The following ZNF710 variants were observed in gnomAD, a reference collection of about 807,000 sequenced individuals.
ZNF710 encodes the protein zinc finger protein 710.
ZNF710 carries 13 observed loss-of-function variants against 50.6 expected under a neutral mutation model. The observed-to-expected ratio is 0.26, with a 90% CI of 0.17 to 0.41. The LOEUF (loss-of-function observed/expected upper bound fraction) is 0.41. ZNF710 is among the 10% of genes least tolerant of loss of function. The pLI is 1.00. For missense variants in ZNF710, 721 were observed against 936.6 expected, an observed-to-expected ratio of 0.77 and a Z score of 3.01; for synonymous variants, 383 against 397.0, an observed-to-expected ratio of 0.96 and a Z score of 0.42.
intron 1 of ZNF710, among the ~76,000 whole-genome samples, chr15:90,057,690 A>AATAATAATAATAATAATAAT (rs1899864577): frequency 7.2e-6 from 1 of 139,524 alleles, no homozygotes; most frequent in African/African-American, 2.7e-5. Context: ...GAGCAAGACT[A>AATAATAATAATAATAATAAT]AATAATAATA....
chr15:90,064,648 C>T (rs926524229), intron 1 of ZNF710, among the ~76,000 whole-genome samples: 5 of 152,112 alleles, frequency 3.3e-5, no homozygotes, highest in Non-Finnish European at 5.9e-5. Context: ...CCACCACGCC[C>T]GGCTAATTTT....
chr15:90,020,850 A>C (rs1044490893), intron 1 of ZNF710, among the ~76,000 whole-genome samples: 1 of 152,214 alleles, frequency 6.6e-6, no homozygotes, highest in Non-Finnish European at 1.5e-5. Flanking sequence ...ACAGTGTTAC[A>C]GATCTCATTC....
chr15:90,029,094 A>C (rs1159428036), intron 1 of ZNF710, among the ~76,000 whole-genome samples: 1 of 152,236 alleles, frequency 6.6e-6, no homozygotes, highest in East Asian at 1.9e-4. Flanking sequence ...TGGCAGGGAA[A>C]GGCTGTGCTC....
intron 1 of ZNF710, chr15:90,025,637 T>C (rs537725224): frequency 7.9e-5 from 12 of 152,232 alleles, no homozygotes; most frequent in Non-Finnish European, 1.5e-4. Flanking sequence ...AAACAAAAAC[T>C]TTAAAAAAGC....
intron 1 of ZNF710, among the ~76,000 whole-genome samples, chr15:90,042,436 C>T (rs536153821): frequency 1.3e-5 from 2 of 149,400 alleles, no homozygotes; most frequent in Non-Finnish European, 3.0e-5. Flanking sequence ...TCCCAGCCCA[C>T]ACCACTGAGC....
chr15:90,050,467 A>T (rs1899605073), intron 1 of ZNF710, among the ~76,000 whole-genome samples: 1 of 152,070 alleles, frequency 6.6e-6, no homozygotes, highest in South Asian at 2.1e-4. Context: ...TCTATGGGGG[A>T]AGGGGTCTTC....
intron 1 of ZNF710, among the ~76,000 whole-genome samples, chr15:90,049,028 G>GA (rs1899555769): frequency 6.6e-6 from 1 of 152,154 alleles, no homozygotes; most frequent in Admixed American, 6.5e-5. Context: ...TCCTTCATGG[G>GA]ATTTAGATAT....
intron 1 of ZNF710, among the ~76,000 whole-genome samples, chr15:90,042,709 G>A (rs1030177295): frequency 7.2e-5 from 11 of 152,198 alleles, no homozygotes; most frequent in Admixed American, 1.3e-4. Flanking sequence ...ACCTGTGATC[G>A]CAGAGGGACA....
chr15:90,021,017 C>CG (rs1555456025), intron 1 of ZNF710, among the ~76,000 whole-genome samples: 2 of 106,820 alleles, frequency 1.9e-5, no homozygotes, highest in African/African-American at 6.5e-5. Flanking sequence ...GCACCCCCCC[C>CG]CCCTTAGCAG....
At chr15:90,012,130 G>A (rs558501725) in intron 1 of ZNF710, among the ~76,000 whole-genome samples, 4 of 151,804 alleles carry the variant, frequency 2.6e-5, no homozygotes, top group South Asian at 2.1e-4. Flanking sequence ...GCTTGAACCC[G>A]GGAGGTAGAG....
chr15:90,011,354 C>T (rs1898298967), intron 1 of ZNF710, among the ~76,000 whole-genome samples: 1 of 152,228 alleles, frequency 6.6e-6, no homozygotes, highest in African/African-American at 2.4e-5. Context: ...ACCCATGCTC[C>T]TGCCACGGCC....
chr15:90,046,580 A>G (rs923092496), intron 1 of ZNF710, among the ~76,000 whole-genome samples: 2 of 152,116 alleles, frequency 1.3e-5, no homozygotes, highest in East Asian at 1.9e-4. Context: ...GGTGGGGACA[A>G]TGAGCCCACT....
intron 1 of ZNF710, among the ~76,000 whole-genome samples, chr15:90,047,787 A>T (rs181748627): frequency 0.012 from 1,752 of 151,768 alleles, 32 homozygotes; most frequent in African/African-American, 0.04. Context: ...GCATTTCACC[A>T]TGTTGGCCAG....
rs187708076 is a variant in ZNF710, at chr15:90,044,228, G to A, written c.-28-22882G>A. On this transcript the variant is annotated intron_variant, in intron 1 of 4. Transcript: ENST00000268154. ...TCAGCAGGGATAGGTGACTGAAGGC[G>A]TGAGGTGGGACTGGCAGGATCTAGA... 8.7e-4 allele frequency among the ~76,000 whole-genome samples: 133 copies of A among 152,338 alleles called. 3 individuals carry two copies. Among genetic ancestry groups the A allele is most frequent in the Non-Finnish European group, 1.5e-4 (10 of 68,034 alleles).
intron 1 of ZNF710, among the ~76,000 whole-genome samples, chr15:90,052,351 A>C (rs1006542526): frequency 1.3e-5 from 2 of 151,820 alleles, no homozygotes; most frequent in African/African-American, 4.8e-5. Context: ...GGTTTGCTTC[A>C]TTTTCTGCAG....
chr15:90,001,044 T>C (rs2151451180), upstream of ZNF710, among the ~76,000 whole-genome samples: 1 of 151,640 alleles, frequency 6.6e-6, no homozygotes, highest in East Asian at 1.9e-4. Context: ...GTGACTTGAT[T>C]TTCAAACGAA....
rs550372336 is a variant in ZNF710, at chr15:90,079,411, C to T, written c.1826-249C>T. 3.3e-5 allele frequency among the ~76,000 whole-genome samples: 5 copies of T among 152,340 alleles called. No individual in the cohort carries two copies. In the South Asian group the frequency reaches 1.0e-3, roughly 32 times the overall value. On this transcript the variant is annotated intron_variant, in intron 4 of 4. Transcript: ENST00000268154. ...CTTCAAGGCCAGGCCTGCAGTTCTC[C>T]ACCACAAAGGCCCTCACTGATAGCA...
upstream of ZNF710, among the ~76,000 whole-genome samples, chr15:89,998,558 G>A (rs1897961922): frequency 6.6e-6 from 1 of 152,184 alleles, no homozygotes; most frequent in South Asian, 2.1e-4. Flanking sequence ...TGTTTCTGGT[G>A]TGGTGAGTCA....
In ZNF710 at chr15:90,079,684, C is replaced by G; in HGVS notation, c.1850C>G (p.Thr617Ser). Reference protein sequence around the residue: ...SQDPMMELTGTDPSELDGQQE... With the variant: ...SQDPMMELTGSDPSELDGQQE... ...GACCCCATGATGGAGCTGACAGGCA[C>G]TGACCCTTCAGAGCTCGACGGCCAG... Residue 617 changes from threonine to serine, a missense_variant, in exon 5 of 5, where the codon ACT becomes AGT. Physicochemically the swap from Thr to Ser is moderately conservative, Grantham distance 58. This residue lies in a region of ZNF710 where 69 missense variants were observed against 67.6 expected (regional missense o/e 1.02). Coordinates refer to ENST00000268154, the MANE Select transcript of ZNF710 (RefSeq NM_198526.4). 1 of 1,613,966 alleles carries G rather than the reference C, an allele frequency of 6.2e-7. No individual in the cohort carries two copies. The highest frequency in any genetic ancestry group is 8.5e-7 in the Non-Finnish European group (1 of 1,179,950).
Sources: allele counts gnomAD v4.1 joint callset (sites outside exome capture counted in the v4.1 genomes callset), GRCh38; gene constraint gnomAD v4.1.1; regional missense constraint gnomAD v4.1.1; transcripts MANE v1.5; gene names NCBI Gene and HGNC (gene_info 2026-07-23, HGNC 2026-07-21).